Variants in KAZN observed in about 807,000 individuals in gnomAD.
The protein encoded by KAZN is kazrin, periplakin interacting protein.
KAZN carries 40 observed loss-of-function variants against 87.4 expected under a neutral mutation model. That is an observed-to-expected ratio of 0.46 (90% CI 0.36 to 0.60). KAZN has a LOEUF of 0.60. Among genes scored for constraint, KAZN ranks in the 20% least tolerant of loss-of-function variants. KAZN has a pLI of 0.00. For synonymous variants in KAZN, 466 were observed against 458.3 expected (o/e 1.02, Z -0.22); for missense variants, 898 against 1,073.9 (o/e 0.84, Z 2.29).
At chr1:14,541,835 G>A (rs544142192) in intron 2 of KAZN, among the ~76,000 whole-genome samples, 22 of 152,194 alleles carry the variant, frequency 1.4e-4, no homozygotes, top group Non-Finnish European at 2.4e-4. Context: ...ATAACTCCTC[G>A]GTCTCATCTT....
rs1449155403 is a variant in KAZN, at chr1:14,109,931, T to C, written c.92-70504T>C. 2.3e-5 allele frequency among the ~76,000 whole-genome samples: 2 copies of C among 87,790 alleles called. 1 individual carries two copies. The highest frequency in any genetic ancestry group is 4.7e-5 in the Non-Finnish European group (2 of 42,500). 57.6% of individuals were successfully genotyped at this position (87,790 alleles called of 152,430 possible). A position where few individuals can be genotyped will look rare whatever the true frequency, so the allele number is the denominator to read the frequency against. ...AGGCATTTTTTTCCCCTACCATTTC[T>C]CTATAGCCTATGTTAATTTTGCTCT... On this transcript the variant is annotated intron_variant, in intron 1 of 16. Coordinates refer to the KAZN transcript ENST00000636203.
intron 1 of KAZN, among the ~76,000 whole-genome samples, chr1:13,927,756 G>A (rs1640340909): frequency 6.6e-6 from 1 of 152,192 alleles, no homozygotes; most frequent in African/African-American, 2.4e-5. Context: ...TATTTAGAAG[G>A]TCGCATAGCA....
chr1:14,062,500 C>A (rs1302491001), intron 1 of KAZN, among the ~76,000 whole-genome samples: 2 of 152,046 alleles, frequency 1.3e-5, no homozygotes, highest in Non-Finnish European at 2.9e-5. Context: ...AAATGGGAAG[C>A]AAGACAAGTC....
chr1:14,580,372 G>A (rs1030451977), intron 2 of KAZN, among the ~76,000 whole-genome samples: 4 of 152,140 alleles, frequency 2.6e-5, no homozygotes, highest in African/African-American at 9.7e-5. Flanking sequence ...CTACTCGGAA[G>A]GCTGAGGCAG....
chr1:14,119,212 C>T (rs1644697899), intron 1 of KAZN, among the ~76,000 whole-genome samples: 1 of 152,162 alleles, frequency 6.6e-6, no homozygotes, highest in Admixed American at 6.5e-5. Context: ...GAAGACCAGG[C>T]AGCCCATGGG....
At chr1:14,163,269 G>T (rs1182909136) in intron 1 of KAZN, among the ~76,000 whole-genome samples, 2 of 152,200 alleles carry the variant, frequency 1.3e-5, no homozygotes, top group African/African-American at 4.8e-5. Context: ...ACACTTGGAA[G>T]AGGGCCAAGC....
chr1:15,093,934 G>A (rs1460579534), intron 8 of KAZN, among the ~76,000 whole-genome samples: 9 of 152,152 alleles, frequency 5.9e-5, no homozygotes, highest in Non-Finnish European at 1.3e-4. Flanking sequence ...CAGTCACGTG[G>A]GGTGATCTTC....
At chr1:14,563,800 GC>G (rs1674386851) in intron 2 of KAZN, among the ~76,000 whole-genome samples, 1 of 150,754 alleles carries the variant, frequency 6.6e-6, no homozygotes, top group Non-Finnish European at 1.5e-5. Context: ...CTTTAGTTTT[GC>G]TTGTGTATTT....
chr1:14,410,704 G>GAC (rs998688365), intron 2 of KAZN, among the ~76,000 whole-genome samples: 4 of 152,228 alleles, frequency 2.6e-5, no homozygotes, highest in Admixed American at 2.0e-4. Flanking sequence ...ATTTCATACA[G>GAC]ACACACACAG....
At chr1:14,121,307 T>C (rs1468068555) in intron 1 of KAZN, among the ~76,000 whole-genome samples, 1 of 152,126 alleles carries the variant, frequency 6.6e-6, no homozygotes, top group East Asian at 1.9e-4. Context: ...ATCACTACGG[T>C]GAATGAAGCC....
At chr1:14,453,796 A>T (rs1163339688) in intron 2 of KAZN, among the ~76,000 whole-genome samples, 1 of 152,086 alleles carries the variant, frequency 6.6e-6, no homozygotes, top group Non-Finnish European at 1.5e-5. Context: ...AGATTGCACC[A>T]CTGCACTCCA....
chr1:14,035,585 T>C (rs926617947), intron 1 of KAZN, among the ~76,000 whole-genome samples: 5 of 144,502 alleles, frequency 3.5e-5, no homozygotes, highest in African/African-American at 1.0e-4. Context: ...TCCTCCCACC[T>C]CAGCCCCTCA....
At chr1:14,164,986 TTC>T (rs1645794358) in intron 1 of KAZN, among the ~76,000 whole-genome samples, 1 of 152,214 alleles carries the variant, frequency 6.6e-6, no homozygotes, top group Admixed American at 6.5e-5. Context: ...GTGTCGGTCT[TTC>T]TATGAGGCAA....
chr1:14,117,631 AG>A (rs1053129258), intron 1 of KAZN, among the ~76,000 whole-genome samples: 10 of 152,124 alleles, frequency 6.6e-5, no homozygotes, highest in African/African-American at 2.4e-4. Context: ...GTAAAAGGAA[AG>A]ATGGGCCCCT....
intron 2 of KAZN, among the ~76,000 whole-genome samples, chr1:14,280,453 G>A (rs1033066108): frequency 3.3e-5 from 5 of 151,616 alleles, no homozygotes; most frequent in African/African-American, 4.8e-5. Flanking sequence ...GTGTCCTTAA[G>A]GGGAACTGTG....
chr1:15,063,457 T>C, intron 6 of KAZN, 115 bp from the exon 7 acceptor site: 2 of 844,770 alleles, frequency 2.4e-6, no homozygotes, highest in Admixed American at 3.7e-5. Context: ...AGAGGCAGGG[T>C]GGCCCCTGAG....
chr1:14,990,720 G>A (rs1667268568), intron 2 of KAZN, among the ~76,000 whole-genome samples: 1 of 151,794 alleles, frequency 6.6e-6, no homozygotes, highest in African/African-American at 2.4e-5. Flanking sequence ...CCAGGTCTTG[G>A]GGGTCAGCTG....
intron 1 of KAZN, among the ~76,000 whole-genome samples, chr1:14,957,735 G>A (rs1849529): frequency 0.071 from 10,785 of 152,292 alleles, 1,290 homozygotes; most frequent in African/African-American, 0.25. Context: ...GAGGTGTGGC[G>A]AGTCTAGCGC....
intron 1 of KAZN, among the ~76,000 whole-genome samples, chr1:14,164,375 T>C (rs1317649346): frequency 6.6e-6 from 1 of 152,008 alleles, no homozygotes; most frequent in Non-Finnish European, 1.5e-5. Context: ...GTTCTTCATA[T>C]GGCCTGCTTG....
Sources: gnomAD v4.1 joint callset for allele counts (sites outside exome capture counted in the v4.1 genomes callset) on GRCh38, gnomAD v4.1.1 for gene constraint, MANE v1.5 for transcripts, NCBI Gene and HGNC (gene_info 2026-07-23, HGNC 2026-07-21) for gene names.